The following DLGAP2 variants were observed in gnomAD, a reference collection of about 807,000 sequenced individuals.
DLGAP2 encodes disks large-associated protein 2.
DLGAP2 carries 26 observed loss-of-function variants against 100.3 expected under a neutral mutation model. That is an observed-to-expected ratio of 0.26 (90% CI 0.19 to 0.36). The LOEUF (loss-of-function observed/expected upper bound fraction) is 0.36. DLGAP2 is among the 10% of genes least tolerant of loss of function. DLGAP2 has a pLI of 1.00. For missense variants in DLGAP2, 1,858 were observed against 1,453.2 expected, an observed-to-expected ratio of 1.28 and a Z score of -4.53; for synonymous variants, 886 against 630.1, an observed-to-expected ratio of 1.41 and a Z score of -6.08.
At chr8:1,377,170 G>T (rs1795966900) in intron 3 of DLGAP2, among the ~76,000 whole-genome samples, 1 of 152,216 alleles carries the variant, frequency 6.6e-6, no homozygotes, top group Non-Finnish European at 1.5e-5. Flanking sequence ...TCCCTACCTG[G>T]CCCCTCCAGG....
At chr8:1,572,543 G>A (rs375366244) in intron 6 of DLGAP2, among the ~76,000 whole-genome samples, 168 of 96,736 alleles carry the variant, frequency 1.7e-3, no homozygotes, top group Middle Eastern at 0.012. Context: ...CTGTGGGGGC[G>A]TCTGATGAGA....
In DLGAP2 at chr8:1,627,968, C is replaced by G. The variant is rs112041655; in HGVS notation, c.1590+1081C>G. 4.9e-4 allele frequency among the ~76,000 whole-genome samples: 66 copies of G among 134,158 alleles called. No homozygotes were observed. In the East Asian group the frequency reaches 6.5e-3, roughly 13 times the overall value. 88.0% of individuals were successfully genotyped at this position (134,158 alleles called of 152,430 possible). A position where few individuals can be genotyped will look rare whatever the true frequency, so the allele number is the denominator to read the frequency against. ...AGAGCCTGAGCTGACCTCACATTCT[C>G]TCTGACTTACTGTGGAGCAGGGATT... On this transcript the variant is annotated intron_variant, in intron 7 of 14. Transcript: ENST00000637795.
In DLGAP2 at chr8:1,578,440, C is replaced by T. The variant is rs1416732590; in HGVS notation, c.1442+12546C>T. 3.9e-5 allele frequency among the ~76,000 whole-genome samples: 6 copies of T among 152,174 alleles called. No homozygotes were observed. In the East Asian group the frequency reaches 9.6e-4, roughly 24 times the overall value. On this transcript the variant is annotated intron_variant, in intron 6 of 14. Transcript: ENST00000637795. The stretch of plus-strand genomic sequence containing the variant: ...GACTGTGCCGTCCCGTGAGATGGAA[C>T]GTGTCAGCAGTTCTTTTTTGACTGC...
chr8:1,682,337 G>T (rs189557141), intron 12 of DLGAP2, among the ~76,000 whole-genome samples: 10 of 152,182 alleles, frequency 6.6e-5, no homozygotes, highest in African/African-American at 2.4e-4. Context: ...CCCTGTCATG[G>T]TAAGTCCTGG....
chr8:1,374,882 C>T (rs1048310600), intron 3 of DLGAP2, among the ~76,000 whole-genome samples: 6 of 152,170 alleles, frequency 3.9e-5, no homozygotes, highest in Non-Finnish European at 5.9e-5. Flanking sequence ...CTTCGTCTTC[C>T]GTGACTCGCC....
At chr8:1,352,324 G>T (rs6991471) in intron 3 of DLGAP2, among the ~76,000 whole-genome samples, 42,786 of 136,876 alleles carry the variant, frequency 0.31, 7,858 homozygotes, top group East Asian at 0.48. Context: ...CGGGTCCTGA[G>T]TGTGTGTGGA....
Position 1,565,638 on chromosome 8 carries a change from C to G in DLGAP2, c.1231-45C>G, listed in dbSNP as rs567377471. Reference sequence around the variant, plus strand: ...CCAAAAAGGAGCTGATGCTGCCGTTCTCAGTGACAAAGTTGATGCGTGTTT... The same window carrying G: ...CCAAAAAGGAGCTGATGCTGCCGTTGTCAGTGACAAAGTTGATGCGTGTTT... On this transcript the variant is annotated intron_variant, in intron 5 of 14. Coordinates refer to ENST00000637795, the MANE Select transcript of DLGAP2 (RefSeq NM_001346810.2). 4.5e-5 allele frequency: 69 copies of G among 1,519,692 alleles called. 1 individual carries two copies. In the East Asian group the frequency reaches 1.3e-3, roughly 28 times the overall value. 94.1% of individuals were successfully genotyped at this position (1,519,692 alleles called of 1,614,324 possible).
intron 2 of DLGAP2, among the ~76,000 whole-genome samples, chr8:1,073,403 A>T (rs191604742): frequency 6.6e-6 from 1 of 152,320 alleles, no homozygotes; most frequent in Admixed American, 6.5e-5. Context: ...TTTAATGATC[A>T]TGGGGTTCTA....
intron 2 of DLGAP2, among the ~76,000 whole-genome samples, chr8:1,242,350 C>T (rs1007464176): frequency 3.3e-5 from 5 of 152,212 alleles, no homozygotes; most frequent in African/African-American, 9.7e-5. Flanking sequence ...TATGCCATTA[C>T]CTGCTCATGG....
intron 1 of DLGAP2, among the ~76,000 whole-genome samples, chr8:779,832 A>C (rs1319778381): frequency 6.6e-6 from 1 of 151,562 alleles, no homozygotes; most frequent in Non-Finnish European, 1.5e-5. Context: ...TTCCTTTTTT[A>C]TATTTTATTT....
chr8:1,624,672 G>T (rs1179470238), intron 6 of DLGAP2, among the ~76,000 whole-genome samples: 1 of 152,046 alleles, frequency 6.6e-6, no homozygotes, highest in African/African-American at 2.4e-5. Context: ...ATCCACAGAG[G>T]AGGGGAGGGG....
At chr8:1,224,665 G>A (rs1339585412) in intron 2 of DLGAP2, among the ~76,000 whole-genome samples, 1 of 152,170 alleles carries the variant, frequency 6.6e-6, no homozygotes, top group African/African-American at 2.4e-5. Flanking sequence ...AGAATGAAAA[G>A]AGAGATTACT....
chr8:1,519,576 C>A (rs779842266), intron 4 of DLGAP2, among the ~76,000 whole-genome samples: 1 of 152,238 alleles, frequency 6.6e-6, no homozygotes, highest in Non-Finnish European at 1.5e-5. Context: ...CCTTGTTTAA[C>A]GGTTCTGACG....
chr8:1,246,307 A>T (rs1798899399), intron 2 of DLGAP2, among the ~76,000 whole-genome samples: 1 of 152,230 alleles, frequency 6.6e-6, no homozygotes, highest in African/African-American at 2.4e-5. Context: ...ATTTCCCACT[A>T]TTCACAGTTC....
At chr8:1,684,701 T>C (rs4602919) in intron 12 of DLGAP2, among the ~76,000 whole-genome samples, 1 of 151,440 alleles carries the variant, frequency 6.6e-6, no homozygotes, top group African/African-American at 2.4e-5. Flanking sequence ...ACTTTCAAGA[T>C]ATTAAATCAT....
chr8:1,275,969 TATATAA>T (rs1461743394), intron 3 of DLGAP2, among the ~76,000 whole-genome samples: 1 of 128,610 alleles, frequency 7.8e-6, no homozygotes, highest in Non-Finnish European at 1.6e-5. Context: ...ATATATAATA[TATATAA>T]ATATAATATA....
chr8:1,246,615 C>G (rs559856322), intron 2 of DLGAP2, among the ~76,000 whole-genome samples: 2 of 152,342 alleles, frequency 1.3e-5, no homozygotes, highest in Admixed American at 1.3e-4. Flanking sequence ...ACTTACCACC[C>G]AAGTTTAGTG....
chr8:1,499,043 T>G (rs2130312541), intron 3 of DLGAP2, among the ~76,000 whole-genome samples: 1 of 152,184 alleles, frequency 6.6e-6, no homozygotes. Context: ...CAAGGGCGGG[T>G]GGGAGGAGAT....
intron 3 of DLGAP2, among the ~76,000 whole-genome samples, chr8:1,365,017 C>T (rs73528807): frequency 0.023 from 3,553 of 152,278 alleles, 121 homozygotes; most frequent in African/African-American, 0.081. Context: ...CTCAGAGACA[C>T]GCACAGCTAG....
Sources: gnomAD v4.1 joint callset for allele counts (sites outside exome capture counted in the v4.1 genomes callset) on GRCh38, gnomAD v4.1.1 for gene constraint, MANE v1.5 for transcripts, NCBI Gene and HGNC (gene_info 2026-07-23, HGNC 2026-07-21) for gene names.